ZNF706: variants seen among roughly 807,000 people sequenced by gnomAD.
ZNF706 encodes the protein transcriptional regulator ZNF706.
A neutral mutation model predicts 9.2 loss-of-function variants in ZNF706; 4 were observed. The observed-to-expected ratio is 0.43, with a 90% CI of 0.21 to 0.99. The LOEUF is 0.99. Among genes scored for constraint, ZNF706 ranks in the 50% least tolerant of loss-of-function variants. The pLI is 0.26. For synonymous variants in ZNF706, 28 were observed against 27.3 expected, an observed-to-expected ratio of 1.03 and a Z score of -0.08; for missense variants, 27 against 87.8, an observed-to-expected ratio of 0.31 and a Z score of 2.77.
rs1810402238 is a variant in ZNF706 at position 101,197,455 on chromosome 8, G to C, written c.*1797C>G. On this transcript the variant is annotated 3_prime_UTR_variant, in exon 4 of 4. Transcript: ENST00000311212. Reference sequence around the variant, plus strand: ...TCACTGAGATATAGTGTTAAATATGGTGTCTTCAGCTGCTTATAAAAAAGG... The same window carrying C: ...TCACTGAGATATAGTGTTAAATATGCTGTCTTCAGCTGCTTATAAAAAAGG... 6.6e-6 allele frequency: 1 copy of C among 151,556 alleles called. No individual in the cohort carries two copies. Among genetic ancestry groups the C allele is most frequent in the Non-Finnish European group, 1.5e-5 (1 of 67,944 alleles). 9.4% of individuals were successfully genotyped at this position (151,556 alleles called of 1,614,324 possible). A position where few individuals can be genotyped will look rare whatever the true frequency, so the allele number is the denominator to read the frequency against.
chr8:101,204,585 A>T, intron 1 of ZNF706: 3 of 977,974 alleles, frequency 3.1e-6, no homozygotes, highest in Non-Finnish European at 3.6e-6. Flanking sequence ...AATCGTAGGC[A>T]GCTACAACCG....
chr8:101,200,120 A>G (rs906528244), intron 2 of ZNF706, 23 bp from the exon 3 acceptor site: 1 of 1,558,398 alleles, frequency 6.4e-7, no homozygotes, highest in South Asian at 1.1e-5. Flanking sequence ...TGTGCAAAAG[A>G]GAGCTAGACT....
chr8:101,197,614 A>G lies in ZNF706; in HGVS notation c.*1638T>C, dbSNP rs992131033. The G allele has an allele frequency of 1.4e-4, 22 of 152,202 alleles. No individual in the cohort carries two copies. The highest frequency in any genetic ancestry group is 5.3e-4 in the African/African-American group (22 of 41,460). The allele number at this position is 152,202 out of a possible 1,614,324, so 9.4% of individuals were successfully genotyped here. A position where few individuals can be genotyped will look rare whatever the true frequency, so the allele number is the denominator to read the frequency against. ...ATACATATGCTCAAAGCACTTTTAA[A>G]AACTTTTAAGTTGTGATTTAACCAG... is the stretch of plus-strand genomic sequence containing the variant. On this transcript the variant is annotated 3_prime_UTR_variant, in exon 4 of 4. Coordinates refer to ENST00000311212, the MANE Select transcript of ZNF706 (RefSeq NM_016096.5).
chr8:101,198,151 T>C lies in ZNF706; in HGVS notation c.*1101A>G, dbSNP rs1013673129. On this transcript the variant is annotated 3_prime_UTR_variant, in exon 4 of 4. Coordinates refer to ENST00000311212, the MANE Select transcript of ZNF706 (RefSeq NM_016096.5). Reference sequence around the variant, plus strand: ...TTTCCCATCCTGAGATCTAAAAGAATGTGAATATTGACCCATTTTAATACT... The same window carrying C: ...TTTCCCATCCTGAGATCTAAAAGAACGTGAATATTGACCCATTTTAATACT... 6.6e-6 allele frequency: 1 copy of C among 152,186 alleles called. No individual in the cohort carries two copies. The highest frequency in any genetic ancestry group is 1.5e-5 in the Non-Finnish European group (1 of 68,014). The allele number at this position is 152,186 out of a possible 1,614,324, so 9.4% of individuals were successfully genotyped here.
intron 3 of ZNF706, 96 bp downstream of exon 3, chr8:101,199,894 C>G: frequency 1.2e-6 from 1 of 840,218 alleles, no homozygotes; most frequent in Admixed American, 2.4e-5. Flanking sequence ...AATAAAATCT[C>G]AGAAGGCAGA....
rs961153326 is a variant in ZNF706 at position 101,205,319 on chromosome 8, C to G, written c.-3+116G>C. On this transcript the variant is annotated intron_variant, in intron 1 of 3. Transcript: ENST00000311212. The surrounding 1 kb of genome is among the most constrained non-coding windows in gnomAD (Gnocchi z 6.6). The stretch of plus-strand genomic sequence containing the variant: ...CCCCGGGCCGGGCCCTGCCGCCCCC[C>G]GCGACCCCTCGCGACCCGCGGCGAG... 3 of 151,310 alleles carry G rather than the reference C, an allele frequency of 2.0e-5. No homozygotes were observed. The highest frequency in any genetic ancestry group is 7.3e-5 in the African/African-American group (3 of 41,322). The allele number at this position is 151,310 out of a possible 1,614,324, so 9.4% of individuals were successfully genotyped here.
At position 101,200,074 on chromosome 8, in the gene ZNF706, G is replaced by T; in HGVS notation, c.159C>A (p.Thr53=). ...VCRTQMPDPK[T]FKQHFESKHP... The stretch of plus-strand genomic sequence containing the variant: ...GCTTGCTCTCAAAGTGCTGCTTGAA[G>T]GTCTTAGGGTCTGGCATTTGTGTCT... The change falls in exon 3 of 4, where the codon ACC becomes ACA. Residue 53 remains threonine, a synonymous_variant. Coordinates refer to ENST00000311212, the MANE Select transcript of ZNF706 (RefSeq NM_016096.5). 1 of 1,612,480 alleles carries T rather than the reference G, an allele frequency of 6.2e-7. No individual in the cohort carries two copies. Among genetic ancestry groups the T allele is most frequent in the Non-Finnish European group, 8.5e-7 (1 of 1,179,576 alleles).
chr8:101,197,544 A>G lies in ZNF706; in HGVS notation c.*1708T>C, dbSNP rs1288149375. 1.2e-4 allele frequency: 18 copies of G among 152,168 alleles called. No individual in the cohort carries two copies. Among genetic ancestry groups the G allele is most frequent in the Admixed American group, 1.0e-3 (16 of 15,280 alleles). 9.4% of individuals were successfully genotyped at this position (152,168 alleles called of 1,614,324 possible). A position where few individuals can be genotyped will look rare whatever the true frequency, so the allele number is the denominator to read the frequency against. The stretch of plus-strand genomic sequence containing the variant: ...GTCACTAAAACAAACGAAAAAAAAA[A>G]AACCAAAACTTGTGAATGGTTTTAT... On this transcript the variant is annotated 3_prime_UTR_variant, in exon 4 of 4. Transcript: ENST00000311212.
chr8:101,197,692 C>G lies in ZNF706; in HGVS notation c.*1560G>C, dbSNP rs1438733403. 6.6e-6 allele frequency: 1 copy of G among 152,048 alleles called. No homozygotes were observed. The highest frequency in any genetic ancestry group is 1.5e-5 in the Non-Finnish European group (1 of 68,006). The allele number at this position is 152,048 out of a possible 1,614,324, so 9.4% of individuals were successfully genotyped here. A position where few individuals can be genotyped will look rare whatever the true frequency, so the allele number is the denominator to read the frequency against. On this transcript the variant is annotated 3_prime_UTR_variant, in exon 4 of 4. Coordinates refer to ENST00000311212, the MANE Select transcript of ZNF706 (RefSeq NM_016096.5). ...GGTAAAATTCTAACGTTCTGGTAATCGACATGTTAGGAAACAACAGATATT... is the reference window on the plus strand; with the variant it reads ...GGTAAAATTCTAACGTTCTGGTAATGGACATGTTAGGAAACAACAGATATT...
chr8:101,202,087 G>A (rs373959862), intron 1 of ZNF706, among the ~76,000 whole-genome samples: 1 of 151,842 alleles, frequency 6.6e-6, no homozygotes, highest in Non-Finnish European at 1.5e-5. Context: ...ATAGTAACAC[G>A]GATGCACAAC....
intron 1 of ZNF706, chr8:101,204,570 T>C (rs2129912999): frequency 1.0e-6 from 1 of 963,352 alleles, no homozygotes; most frequent in South Asian, 4.8e-5. Context: ...CACAATTTTC[T>C]ACAAAATCGT....
rs1335665998 is a variant in ZNF706, at chr8:101,198,793, G to GGA, written c.*458_*459insTC. ...AATTTTAATGAATCAGTCTGCTCTA[G>GGA]TTTAACTGAGGAACCTGCCACTGAG... On this transcript the variant is annotated 3_prime_UTR_variant, in exon 4 of 4. Transcript: ENST00000311212. 1 of 157,068 alleles carries GGA rather than the reference G, an allele frequency of 6.4e-6. No individual in the cohort carries two copies. The highest frequency in any genetic ancestry group is 1.4e-5 in the Non-Finnish European group (1 of 71,084). 9.7% of individuals were successfully genotyped at this position (157,068 alleles called of 1,614,324 possible).
In ZNF706 at chr8:101,198,115, A is replaced by C. The variant is rs941827836; in HGVS notation, c.*1137T>G. On this transcript the variant is annotated 3_prime_UTR_variant, in exon 4 of 4. Transcript: ENST00000311212. ...GGGTAAGATTTACCATATCCATCTG[A>C]ACAAACCCATTTTCCCATCCTGAGA... The C allele has an allele frequency of 1.3e-5, 2 of 152,208 alleles. No individual in the cohort carries two copies. Among genetic ancestry groups the C allele is most frequent in the African/African-American group, 4.8e-5 (2 of 41,466 alleles). 9.4% of individuals were successfully genotyped at this position (152,208 alleles called of 1,614,324 possible). A position where few individuals can be genotyped will look rare whatever the true frequency, so the allele number is the denominator to read the frequency against.
rs923208221 is a variant in ZNF706, at chr8:101,198,007, T to G, written c.*1245A>C. Reference sequence around the variant, plus strand: ...CTTTCTATTATATTAATTTAAAAATTTAAACCGAGTTAACAGCAGTTTTAC... The same window carrying G: ...CTTTCTATTATATTAATTTAAAAATGTAAACCGAGTTAACAGCAGTTTTAC... On this transcript the variant is annotated 3_prime_UTR_variant, in exon 4 of 4. Coordinates refer to ENST00000311212, the MANE Select transcript of ZNF706 (RefSeq NM_016096.5). 6.6e-6 allele frequency: 1 copy of G among 152,174 alleles called. No homozygotes were observed. The highest frequency in any genetic ancestry group is 6.5e-5 in the Admixed American group (1 of 15,272). The allele number at this position is 152,174 out of a possible 1,614,324, so 9.4% of individuals were successfully genotyped here. A position where few individuals can be genotyped will look rare whatever the true frequency, so the allele number is the denominator to read the frequency against.
Position 101,201,863 on chromosome 8 carries a change from AT to A in ZNF706, c.-2-121del. ...TTATAGAAATATCTGGCAAATAAAA[AT>A]TTATAGGTATTAAAATTCCCACATA... On this transcript the variant is annotated intron_variant, in intron 1 of 3. Coordinates refer to ENST00000311212, the MANE Select transcript of ZNF706 (RefSeq NM_016096.5). This position sits in a 1 kb window ranked among gnomAD's most constrained non-coding sequence, Gnocchi z 4.5. 9.6e-7 allele frequency: 1 copy of A among 1,039,984 alleles called. No homozygotes were observed. Among genetic ancestry groups the A allele is most frequent in the Non-Finnish European group, 1.4e-6 (1 of 733,636 alleles). 64.4% of individuals were successfully genotyped at this position (1,039,984 alleles called of 1,614,324 possible).
chr8:101,202,084 C>A (rs938331587), intron 1 of ZNF706, among the ~76,000 whole-genome samples: 18 of 151,986 alleles, frequency 1.2e-4, no homozygotes, highest in Non-Finnish European at 2.5e-4. Context: ...TCAATAGTAA[C>A]ACGGATGCAC....
intron 1 of ZNF706, chr8:101,202,448 C>G (rs1182109637): frequency 6.6e-6 from 1 of 152,062 alleles, no homozygotes; most frequent in East Asian, 1.9e-4. Flanking sequence ...CAGTGAGACT[C>G]TGGTCTCAAA....
rs1810717892 is a variant in ZNF706, at chr8:101,205,320, G to A, written c.-3+115C>T. On this transcript the variant is annotated intron_variant, in intron 1 of 3. Transcript: ENST00000311212. This position sits in a 1 kb window ranked among gnomAD's most constrained non-coding sequence, Gnocchi z 6.6. ...CCCGGGCCGGGCCCTGCCGCCCCCCGCGACCCCTCGCGACCCGCGGCGAGT... is the reference window on the plus strand; with the variant it reads ...CCCGGGCCGGGCCCTGCCGCCCCCCACGACCCCTCGCGACCCGCGGCGAGT... The A allele has an allele frequency of 1.3e-5, 2 of 148,984 alleles. No individual in the cohort carries two copies. Among genetic ancestry groups the A allele is most frequent in the South Asian group, 4.3e-4 (2 of 4,694 alleles). 9.2% of individuals were successfully genotyped at this position (148,984 alleles called of 1,614,324 possible).
Position 101,200,116 on chromosome 8 carries a change from A to G in ZNF706, c.136-19T>C, listed in dbSNP as rs761085529. 23 of 1,579,860 alleles carry G rather than the reference A, an allele frequency of 1.5e-5. No individual in the cohort carries two copies. Among genetic ancestry groups the G allele is most frequent in the East Asian group, 2.2e-5 (1 of 44,644 alleles). ...TTTGTGTCTAACAAAAAATTGTGCAAAAGAGAGCTAGACTTTATTTATAAA... is the reference window on the plus strand; with the variant it reads ...TTTGTGTCTAACAAAAAATTGTGCAGAAGAGAGCTAGACTTTATTTATAAA... On this transcript the variant is annotated intron_variant, in intron 2 of 3. Transcript: ENST00000311212.
Sources: gnomAD v4.1 joint callset for allele counts (sites outside exome capture counted in the v4.1 genomes callset) on GRCh38, gnomAD v4.1.1 for gene constraint, Gnocchi (gnomAD v3.1) non-coding constraint, MANE v1.5 for transcripts, NCBI Gene and HGNC (gene_info 2026-07-23, HGNC 2026-07-21) for gene names.